Variants in PACSIN2 observed in about 807,000 individuals in gnomAD.
PACSIN2 encodes protein kinase C and casein kinase substrate in neurons 2.
PACSIN2 carries 25 observed loss-of-function variants against 63.8 expected under a neutral mutation model. That is an observed-to-expected ratio of 0.39 (90% confidence interval 0.29 to 0.55). The LOEUF (loss-of-function observed/expected upper bound fraction) is 0.55. Among genes scored for constraint, PACSIN2 ranks in the 20% least tolerant of loss-of-function variants. The pLI, the probability that PACSIN2 is intolerant of heterozygous loss-of-function variation, is 0.62. For missense variants in PACSIN2, 518 were observed against 646.9 expected, an observed-to-expected ratio of 0.80 and a Z score of 2.16; for synonymous variants, 255 against 256.2, an observed-to-expected ratio of 1.00 and a Z score of 0.05.
At chr22:42,932,586 T>C (rs1052572496) in intron 1 of PACSIN2, among the ~76,000 whole-genome samples, 12 of 152,132 alleles carry the variant, frequency 7.9e-5, no homozygotes, top group Admixed American at 7.2e-4. Flanking sequence ...ATAAGACCTT[T>C]AGGATAATGT....
intron 1 of PACSIN2, among the ~76,000 whole-genome samples, chr22:42,979,706 C>A (rs1020132733): frequency 6.6e-6 from 1 of 152,186 alleles, no homozygotes; most frequent in Admixed American, 6.5e-5. Flanking sequence ...GCACCTGCCG[C>A]TTTCTAACTT....
rs1359788121 is a variant in PACSIN2, at chr22:42,992,923, G to A, written c.-78+22098C>T. On this transcript the variant is annotated intron_variant, in intron 1 of 10. Coordinates refer to ENST00000263246, the MANE Select transcript of PACSIN2 (RefSeq NM_001184970.3). ...TCACACCTGTAATCCTAGCACTCTG[G>A]GAGGCTGAGGCGGGCAGATTGCCCG... Among the ~76,000 whole-genome samples the A allele has an allele frequency of 2.0e-5, 3 of 152,182 alleles. No homozygotes were observed. In the East Asian group the frequency reaches 5.8e-4, roughly 29 times the overall value.
chr22:42,974,026 T>C (rs1430323481), intron 1 of PACSIN2, among the ~76,000 whole-genome samples: 1 of 152,216 alleles, frequency 6.6e-6, no homozygotes, highest in African/African-American at 2.4e-5. Context: ...TCAGAGCCTC[T>C]GTTTCCTCAC....
At chr22:42,900,843 G>T (rs182676143) in intron 2 of PACSIN2, among the ~76,000 whole-genome samples, 4 of 152,332 alleles carry the variant, frequency 2.6e-5, no homozygotes. Flanking sequence ...TCATGCAACA[G>T]AAAGAGAGGC....
chr22:42,925,436 C>T (rs1225653347), intron 1 of PACSIN2, among the ~76,000 whole-genome samples: 1 of 150,774 alleles, frequency 6.6e-6, no homozygotes, highest in Non-Finnish European at 1.5e-5. Flanking sequence ...GCCAAGATCA[C>T]GCCATAGCAC....
rs374954364 is a variant in PACSIN2 at position 42,891,022 on chromosome 22, G to A, written c.378C>T (p.Gly126=). ...QKEAFHKQMM[G]GFKETKEAED... is the part of the protein sequence containing the mutation. ...CAGCTTCCTTGGTCTCCTTGAAGCC[G>A]CCCATCATCTGCTTGTGAAAGGCTT... The change falls in exon 4 of 11, where the codon GGC becomes GGT. Residue 126 remains glycine (G), a synonymous_variant. Coordinates refer to ENST00000263246, the MANE Select transcript of PACSIN2 (RefSeq NM_001184970.3). The A allele has an allele frequency of 1.3e-5, 21 of 1,614,012 alleles. No homozygotes were observed. Among genetic ancestry groups the A allele is most frequent in the South Asian group, 3.3e-5 (3 of 91,088 alleles).
At chr22:42,907,194 A>AT (rs1332690443) in intron 2 of PACSIN2, among the ~76,000 whole-genome samples, 2 of 152,336 alleles carry the variant, frequency 1.3e-5, no homozygotes, top group African/African-American at 4.8e-5. Flanking sequence ...AGAGCCAGGG[A>AT]GTCCAGCTGG....
chr22:42,961,756 G>A (rs1275141303), intron 1 of PACSIN2, among the ~76,000 whole-genome samples: 1 of 152,128 alleles, frequency 6.6e-6, no homozygotes, highest in South Asian at 2.1e-4. Flanking sequence ...CTGGGTGACA[G>A]AGCGAGATCC....
chr22:42,923,366 G>A (rs911452906), intron 1 of PACSIN2, among the ~76,000 whole-genome samples: 6 of 152,142 alleles, frequency 3.9e-5, no homozygotes, highest in East Asian at 1.9e-4. Flanking sequence ...CTCCTGGCCC[G>A]CAGGCCCGCA....
At chr22:42,879,681 C>G (rs1411324819) in intron 7 of PACSIN2, among the ~76,000 whole-genome samples, 1 of 152,208 alleles carries the variant, frequency 6.6e-6, no homozygotes, top group Non-Finnish European at 1.5e-5. Flanking sequence ...GTCCCTGGGC[C>G]ACAGGGTCAA....
At position 43,002,686 on chromosome 22, in the gene PACSIN2, A is replaced by G. The variant is rs151140872; in HGVS notation, c.-78+12335T>C. On this transcript the variant is annotated intron_variant, in intron 1 of 10. Coordinates refer to ENST00000263246, the MANE Select transcript of PACSIN2 (RefSeq NM_001184970.3). ...TCATACCCTTTAATACAAGATTTCTATTCTCGGGAATTTATCCCCAGGAAC... is the reference window on the plus strand; with the variant it reads ...TCATACCCTTTAATACAAGATTTCTGTTCTCGGGAATTTATCCCCAGGAAC... Among the ~76,000 whole-genome samples, 689 of 152,266 alleles carry G rather than the reference A, an allele frequency of 4.5e-3. 4 individuals carry two copies. The highest frequency in any genetic ancestry group is 7.4e-3 in the Non-Finnish European group (504 of 68,014).
At chr22:42,882,396 T>C in intron 6 of PACSIN2, 92 bp from the exon 7 acceptor site, 1 of 1,416,460 alleles carries the variant, frequency 7.1e-7, no homozygotes, top group South Asian at 1.4e-5. Context: ...TCCCGTGGTC[T>C]CTGCCCTCTG....
chr22:42,919,367 A>AGG (rs1932015055), intron 1 of PACSIN2, among the ~76,000 whole-genome samples: 1 of 152,182 alleles, frequency 6.6e-6, no homozygotes, highest in African/African-American at 2.4e-5. Flanking sequence ...GTGCAAAGTG[A>AGG]CAGACAAATG....
chr22:42,987,488 A>C (rs1922704242), intron 1 of PACSIN2, among the ~76,000 whole-genome samples: 1 of 107,574 alleles, frequency 9.3e-6, no homozygotes, highest in African/African-American at 4.0e-5. Context: ...ACACACACAC[A>C]CACACCCATG....
At chr22:42,887,022 AC>A (rs1448045974) in intron 5 of PACSIN2, among the ~76,000 whole-genome samples, 1 of 152,066 alleles carries the variant, frequency 6.6e-6, no homozygotes, top group East Asian at 1.9e-4. Context: ...TCCTCTAGGC[AC>A]CTTTTTGGGC....
chr22:42,872,002 G>A (rs370683801), intron 10 of PACSIN2, among the ~76,000 whole-genome samples: 3 of 152,218 alleles, frequency 2.0e-5, no homozygotes, highest in South Asian at 2.1e-4. Flanking sequence ...CTGATGACTT[G>A]TGCACGGTGC....
chr22:43,009,160 G>A (rs1924288794), intron 1 of PACSIN2, among the ~76,000 whole-genome samples: 2 of 152,264 alleles, frequency 1.3e-5, no homozygotes, highest in Admixed American at 1.3e-4. Flanking sequence ...AAAACCTAAT[G>A]GAAAAGCCCC....
At chr22:42,914,223 T>C (rs7291384) in intron 1 of PACSIN2, among the ~76,000 whole-genome samples, 12,533 of 152,272 alleles carry the variant, frequency 0.082, 604 homozygotes, top group South Asian at 0.11. Flanking sequence ...TGGGCCCTGA[T>C]GCCACCTCTC....
intron 1 of PACSIN2, among the ~76,000 whole-genome samples, chr22:42,986,180 G>C (rs1462595901): frequency 6.6e-6 from 1 of 152,198 alleles, no homozygotes. Context: ...ACTATGCTAG[G>C]AGATTTAAAA....
Sources: gnomAD v4.1 joint callset for allele counts (sites outside exome capture counted in the v4.1 genomes callset) on GRCh38, gnomAD v4.1.1 for gene constraint, MANE v1.5 for transcripts, NCBI Gene and HGNC (gene_info 2026-07-23, HGNC 2026-07-21) for gene names.